RFX2: variants seen among roughly 807,000 people sequenced by gnomAD.
The protein encoded by RFX2 is DNA-binding protein RFX2.
RFX2 carries 20 observed loss-of-function variants against 87.8 expected under a neutral mutation model. That is an observed-to-expected ratio of 0.23 (90% confidence interval 0.16 to 0.33). The LOEUF (loss-of-function observed/expected upper bound fraction) is 0.33, where lower values mean the gene tolerates loss of function less well. RFX2 is among the 10% of genes least tolerant of loss of function. The pLI is 1.00. For missense variants in RFX2, 767 were observed against 1,012.3 expected, an observed-to-expected ratio of 0.76 and a Z score of 3.29; for synonymous variants, 397 against 431.3, an observed-to-expected ratio of 0.92 and a Z score of 0.98.
In RFX2 at chr19:6,026,274, ATG is replaced by A; in HGVS notation, c.523-39_523-38del. The A allele has an allele frequency of 6.5e-7, 1 of 1,534,306 alleles. No individual in the cohort carries two copies. The highest frequency in any genetic ancestry group is 1.8e-5 in the Admixed American group (1 of 54,706). On this transcript the variant is annotated intron_variant, in intron 5 of 17. Transcript: ENST00000303657. The surrounding 1 kb of genome is among the most constrained non-coding windows in gnomAD (Gnocchi z 4.5). ...GTGTGCAGAAACAAAACAAAACAAAATGGAAAAAAAAAAAAAGGAAATCAGAT... is the reference window on the plus strand; with the variant it reads ...GTGTGCAGAAACAAAACAAAACAAAAGAAAAAAAAAAAAAGGAAATCAGAT...
Position 6,013,190 on chromosome 19 carries a change from T to TA in RFX2, c.780-86_780-85insT. 1 of 1,343,690 alleles carries TA rather than the reference T, an allele frequency of 7.4e-7. No individual in the cohort carries two copies. Among genetic ancestry groups the TA allele is most frequent in the Non-Finnish European group, 9.9e-7 (1 of 1,008,960 alleles). 83.2% of individuals were successfully genotyped at this position (1,343,690 alleles called of 1,614,324 possible). ...GTTGGGATTCTTTTTCTTTCTTTCT[T>TA]CTTTTTTTTTTTTGAGACAGAATCT... is the stretch of plus-strand genomic sequence containing the variant. On this transcript the variant is annotated intron_variant, in intron 7 of 17. Coordinates refer to ENST00000303657, the MANE Select transcript of RFX2 (RefSeq NM_000635.4). This position sits in a 1 kb window ranked among gnomAD's most constrained non-coding sequence, Gnocchi z 4.1.
intron 1 of RFX2, among the ~76,000 whole-genome samples, chr19:6,048,720 A>C (rs554447238): frequency 1.1e-4 from 17 of 152,342 alleles, no homozygotes; most frequent in African/African-American, 3.6e-4. Context: ...TGAGTGAAAA[A>C]AATTTTAAGC....
At chr19:6,025,909 C>T (rs1453002881) in intron 6 of RFX2, among the ~76,000 whole-genome samples, 2 of 151,728 alleles carry the variant, frequency 1.3e-5, no homozygotes, top group African/African-American at 2.4e-5. Flanking sequence ...CCTCAGCCTC[C>T]CAAGTAGCTG....
intron 1 of RFX2, among the ~76,000 whole-genome samples, chr19:6,097,032 CAGAA>C (rs780481339): frequency 7.7e-4 from 117 of 152,222 alleles, no homozygotes; most frequent in Middle Eastern, 3.4e-3. Context: ...TAATCAGAAA[CAGAA>C]AGGGAAGAAT....
Position 5,997,017 on chromosome 19 carries a change from G to A in RFX2, c.2013+43C>T, listed in dbSNP as rs754894856. ...CAGAGCACACCGCCCTCTCCCCACA[G>A]GCCCGGCCAAGCCCCGGCCGTCCCA... is the stretch of plus-strand genomic sequence containing the variant. On this transcript the variant is annotated intron_variant, in intron 16 of 17. Coordinates refer to ENST00000303657, the MANE Select transcript of RFX2 (RefSeq NM_000635.4). The surrounding 1 kb of genome is among the most constrained non-coding windows in gnomAD (Gnocchi z 4.2). 3 of 1,576,600 alleles carry A rather than the reference G, an allele frequency of 1.9e-6. No homozygotes were observed. Among genetic ancestry groups the A allele is most frequent in the Non-Finnish European group, 2.6e-6 (3 of 1,164,624 alleles).
intron 12 of RFX2, among the ~76,000 whole-genome samples, chr19:6,005,174 T>C (rs551846785): frequency 2.0e-5 from 3 of 152,228 alleles, no homozygotes; most frequent in South Asian, 2.1e-4. Context: ...CACCATAACA[T>C]AGAAACTCAG....
chr19:6,003,645 G>GGT (rs1190908921), intron 13 of RFX2, among the ~76,000 whole-genome samples: 1 of 151,866 alleles, frequency 6.6e-6, no homozygotes, highest in African/African-American at 2.4e-5. Flanking sequence ...CAGGTGTGGT[G>GGT]GCGGGCACCT....
chr19:6,022,510 C>T lies in RFX2; in HGVS notation c.597+3653G>A, dbSNP rs960873257. ...ACTCGGTGAACCTGCTACGGGGTCC[C>T]GGTCGGCTGGTAGCCTGAGGGCAGC... On this transcript the variant is annotated intron_variant, in intron 6 of 17. Transcript: ENST00000303657. This position sits in a 1 kb window ranked among gnomAD's most constrained non-coding sequence, Gnocchi z 6.2. Among the ~76,000 whole-genome samples the T allele has an allele frequency of 2.0e-5, 3 of 152,236 alleles. No homozygotes were observed. The highest frequency in any genetic ancestry group is 4.8e-5 in the African/African-American group (2 of 41,460).
rs147797824 is a variant in RFX2, at chr19:6,010,272, C to T, written c.900-21G>A. 0.013 allele frequency: 19,378 copies of T among 1,490,422 alleles called. 173 individuals are homozygous for T. The highest frequency in any genetic ancestry group is 0.016 in the Non-Finnish European group (17,187 of 1,097,080). 92.3% of individuals were successfully genotyped at this position (1,490,422 alleles called of 1,614,324 possible). A position where few individuals can be genotyped will look rare whatever the true frequency, so the allele number is the denominator to read the frequency against. On this transcript the variant is annotated intron_variant, in intron 8 of 17. Transcript: ENST00000303657. The surrounding 1 kb of genome is among the most constrained non-coding windows in gnomAD (Gnocchi z 5.0). ...GGTACCTAGGCCAGGAACACGCATA[C>T]CATCATGAGGCCCAGCAGCCCTGCT...
rs1162982879 is a variant in RFX2, at chr19:6,026,111, T to C, written c.597+52A>G. On this transcript the variant is annotated intron_variant, in intron 6 of 17. Coordinates refer to ENST00000303657, the MANE Select transcript of RFX2 (RefSeq NM_000635.4). The surrounding 1 kb of genome is among the most constrained non-coding windows in gnomAD (Gnocchi z 4.5). ...CCTTCATTTGTCTTAAAAATGTCTA[T>C]GCAGGTTACAAGCAGAGCAGGGACA... is the stretch of plus-strand genomic sequence containing the variant. The C allele has an allele frequency of 2.0e-6, 3 of 1,467,832 alleles. No individual in the cohort carries two copies. The highest frequency in any genetic ancestry group is 1.2e-5 in the South Asian group (1 of 85,892). 90.9% of individuals were successfully genotyped at this position (1,467,832 alleles called of 1,614,324 possible).
Position 6,010,002 on chromosome 19 carries a change from T to G in RFX2, c.1015+134A>C, listed in dbSNP as rs1029752735. The G allele has an allele frequency of 3.9e-6, 2 of 518,136 alleles. No homozygotes were observed. Among genetic ancestry groups the G allele is most frequent in the Admixed American group, 3.2e-5 (1 of 31,554 alleles). 32.1% of individuals were successfully genotyped at this position (518,136 alleles called of 1,614,324 possible). A position where few individuals can be genotyped will look rare whatever the true frequency, so the allele number is the denominator to read the frequency against. ...AGAAGGTTTATCGAAAACTTTCTAT[T>G]TGTCCGAAAAGGTGTCTCGTAAGAA... On this transcript the variant is annotated intron_variant, in intron 9 of 17. Coordinates refer to ENST00000303657, the MANE Select transcript of RFX2 (RefSeq NM_000635.4). This position sits in a 1 kb window ranked among gnomAD's most constrained non-coding sequence, Gnocchi z 5.0.
In RFX2 at chr19:6,022,888, C is replaced by T. The variant is rs1468117860; in HGVS notation, c.597+3275G>A. On this transcript the variant is annotated intron_variant, in intron 6 of 17. Coordinates refer to ENST00000303657, the MANE Select transcript of RFX2 (RefSeq NM_000635.4). The surrounding 1 kb of genome is among the most constrained non-coding windows in gnomAD (Gnocchi z 6.2). ...TCTGGACAATGCTGTCTCGTTTTAC[C>T]AGGCTCCCAGCACCTGAATACACCT... is the stretch of plus-strand genomic sequence containing the variant. Among the ~76,000 whole-genome samples the T allele has an allele frequency of 6.6e-6, 1 of 152,190 alleles. No individual in the cohort carries two copies. The highest frequency in any genetic ancestry group is 1.5e-5 in the Non-Finnish European group (1 of 68,048).
chr19:6,080,202 A>ATGTGTGTG lies in RFX2; in HGVS notation c.-9+30183_-9+30190dup, dbSNP rs368062995. Among the ~76,000 whole-genome samples, 843 of 138,492 alleles carry ATGTGTGTG rather than the reference A, an allele frequency of 6.1e-3. 7 individuals carry two copies. The highest frequency in any genetic ancestry group is 0.016 in the African/African-American group (605 of 37,406). The allele number at this position is 138,492 out of a possible 152,430, so 90.9% of individuals were successfully genotyped here. On this transcript the variant is annotated intron_variant, in intron 1 of 17. Coordinates refer to ENST00000303657, the MANE Select transcript of RFX2 (RefSeq NM_000635.4). ...GGGACCACAGGCACATGCCTGGTTAATGTGTGTGTGTGTGTGTGTGTGTGT... is the reference window on the plus strand; with the variant it reads ...GGGACCACAGGCACATGCCTGGTTAATGTGTGTGTGTGTGTGTGTGTGTGTGTGTGTGT...
chr19:6,067,349 T>C (rs1036285194), intron 1 of RFX2, among the ~76,000 whole-genome samples: 21 of 152,222 alleles, frequency 1.4e-4, no homozygotes, highest in African/African-American at 5.1e-4. Context: ...AACCACTGAC[T>C]CAGCGTCAGA....
intron 17 of RFX2, among the ~76,000 whole-genome samples, chr19:5,995,267 G>A (rs1193626892): frequency 2.0e-5 from 3 of 152,162 alleles, no homozygotes; most frequent in Non-Finnish European, 2.9e-5. Context: ...GGACAGAGAC[G>A]GGGCCCGGGG....
In RFX2 at chr19:5,993,522, C is replaced by T. The variant is rs2086363376; in HGVS notation, c.*1313G>A. 1 of 152,198 alleles carries T rather than the reference C, an allele frequency of 6.6e-6. No homozygotes were observed. The highest frequency in any genetic ancestry group is 6.5e-5 in the Admixed American group (1 of 15,272). 9.4% of individuals were successfully genotyped at this position (152,198 alleles called of 1,614,324 possible). A position where few individuals can be genotyped will look rare whatever the true frequency, so the allele number is the denominator to read the frequency against. On this transcript the variant is annotated 3_prime_UTR_variant, in exon 18 of 18. Coordinates refer to ENST00000303657, the MANE Select transcript of RFX2 (RefSeq NM_000635.4). The stretch of plus-strand genomic sequence containing the variant: ...AAAACATTTGGGACTGAATATACTG[C>T]AATGTACACATTCATAAGAAACGTT...
chr19:6,018,227 C>T (rs1295614934), intron 6 of RFX2, among the ~76,000 whole-genome samples: 1 of 152,228 alleles, frequency 6.6e-6, no homozygotes, highest in Non-Finnish European at 1.5e-5. Flanking sequence ...GCCTTGGCCT[C>T]CCAAAGTGCT....
chr19:6,008,343 A>G, intron 9 of RFX2, 119 bp from the exon 10 acceptor site: 1 of 496,316 alleles, frequency 2.0e-6, no homozygotes, highest in Non-Finnish European at 3.6e-6. Context: ...CCATGCAGTC[A>G]GGGAATTTGT....
chr19:6,075,190 T>G (rs904394143), intron 1 of RFX2, among the ~76,000 whole-genome samples: 73 of 151,978 alleles, frequency 4.8e-4, no homozygotes, highest in African/African-American at 1.5e-3. Context: ...AGCCACCCAG[T>G]CTATGGCCTT....
Sources: gnomAD v4.1 joint callset for allele counts (sites outside exome capture counted in the v4.1 genomes callset) on GRCh38, gnomAD v4.1.1 for gene constraint, Gnocchi (gnomAD v3.1) non-coding constraint, MANE v1.5 for transcripts, NCBI Gene and HGNC (gene_info 2026-07-23, HGNC 2026-07-21) for gene names.